The following STX8 variants were observed in gnomAD, a reference collection of about 807,000 sequenced individuals.
STX8 encodes syntaxin 8, also known as syntaxin-8.
Under a neutral mutation model 37.5 loss-of-function variants are expected in STX8, and 23 were observed. The observed-to-expected ratio is 0.61, with a 90% confidence interval of 0.44 to 0.87. The LOEUF (loss-of-function observed/expected upper bound fraction) is 0.87, where lower values mean the gene tolerates loss of function less well. Ranked by LOEUF, STX8 falls within the 40% of genes least tolerant of loss-of-function variation. The pLI is 0.00. For synonymous variants in STX8, 115 were observed against 99.1 expected, an observed-to-expected ratio of 1.16 and a Z score of -0.95; for missense variants, 313 against 284.7, an observed-to-expected ratio of 1.10 and a Z score of -0.71.
At chr17:9,391,323 A>G (rs1362712866) in intron 6 of STX8, among the ~76,000 whole-genome samples, 1 of 151,906 alleles carries the variant, frequency 6.6e-6, no homozygotes, top group Non-Finnish European at 1.5e-5. Context: ...ATGGTGGTGC[A>G]TGCCTGTAGT....
chr17:9,263,189 A>G (rs1172264007), intron 7 of STX8, among the ~76,000 whole-genome samples: 1 of 151,948 alleles, frequency 6.6e-6, no homozygotes, highest in Non-Finnish European at 1.5e-5. Flanking sequence ...ATAAGCAAAA[A>G]GGGACGGGTG....
intron 7 of STX8, among the ~76,000 whole-genome samples, chr17:9,299,420 G>A (rs1433721447): frequency 3.3e-5 from 5 of 149,966 alleles, no homozygotes; most frequent in East Asian, 3.9e-4. Context: ...GATTGCCTGC[G>A]TCCGTCTTCA....
chr17:9,257,468 G>A (rs1021915720), intron 7 of STX8, among the ~76,000 whole-genome samples: 3 of 152,182 alleles, frequency 2.0e-5, no homozygotes, highest in African/African-American at 7.2e-5. Context: ...TGGAGGAGGA[G>A]GGGAAGGAGG....
intron 6 of STX8, among the ~76,000 whole-genome samples, chr17:9,477,028 T>C (rs888386874): frequency 2.6e-5 from 4 of 152,024 alleles, no homozygotes; most frequent in South Asian, 4.1e-4. Context: ...TTATTATTAT[T>C]ATTATTTCTT....
At chr17:9,410,205 T>A (rs1162643687) in intron 6 of STX8, among the ~76,000 whole-genome samples, 1 of 152,206 alleles carries the variant, frequency 6.6e-6, no homozygotes, top group Non-Finnish European at 1.5e-5. Context: ...CTAATGATGG[T>A]CATAACATCA....
chr17:9,250,765 G>C (rs1368078782), intron 7 of STX8, 120 bp from the exon 8 acceptor site: 2 of 1,034,258 alleles, frequency 1.9e-6, no homozygotes, highest in Non-Finnish European at 2.9e-6. Context: ...CAGTTTGTAC[G>C]AAGTGGAGAG....
intron 6 of STX8, among the ~76,000 whole-genome samples, chr17:9,462,419 T>C (rs543305876): frequency 6.6e-6 from 1 of 152,260 alleles, no homozygotes; most frequent in Non-Finnish European, 1.5e-5. Context: ...TTCTTTTCTC[T>C]TTCAAAAATT....
At chr17:9,341,925 T>C (rs1910373782) in intron 7 of STX8, among the ~76,000 whole-genome samples, 1 of 152,070 alleles carries the variant, frequency 6.6e-6, no homozygotes, top group Non-Finnish European at 1.5e-5. Flanking sequence ...CGAGACCATG[T>C]AGAGAGACCG....
chr17:9,531,209 G>C lies in STX8; in HGVS notation c.323+13963C>G, dbSNP rs143934750. Among the ~76,000 whole-genome samples the C allele has an allele frequency of 4.2e-3, 639 of 152,290 alleles. 8 individuals carry two copies. Among genetic ancestry groups the C allele is most frequent in the African/African-American group, 0.014 (601 of 41,564 alleles). On this transcript the variant is annotated intron_variant, in intron 4 of 7. Transcript: ENST00000306357. ...TGAGTCTGGATAACTGGTCATGTGA[G>C]TCCTCTGGCCTTTTTGTTCTTAAAA...
chr17:9,423,256 C>G (rs940797129), intron 6 of STX8, among the ~76,000 whole-genome samples: 4 of 152,180 alleles, frequency 2.6e-5, no homozygotes, highest in African/African-American at 9.6e-5. Context: ...AAACTATGGT[C>G]TGTTTTCTTC....
chr17:9,266,847 C>G (rs1435553354), intron 7 of STX8, among the ~76,000 whole-genome samples: 1 of 152,166 alleles, frequency 6.6e-6, no homozygotes, highest in Admixed American at 6.5e-5. Context: ...AGACGTGGGC[C>G]TTTTGCTTTC....
intron 6 of STX8, among the ~76,000 whole-genome samples, chr17:9,424,513 G>C (rs144517614): frequency 6.6e-6 from 1 of 152,068 alleles, no homozygotes; most frequent in East Asian, 1.9e-4. Flanking sequence ...AAAGTGCAGC[G>C]CCTGGCCTTC....
At chr17:9,544,040 G>A (rs1187628064) in intron 4 of STX8, among the ~76,000 whole-genome samples, 4 of 152,012 alleles carry the variant, frequency 2.6e-5, no homozygotes, top group African/African-American at 4.8e-5. Flanking sequence ...CCCCTCCACC[G>A]CAATCCCACT....
At chr17:9,300,345 A>AAAAG (rs1222131951) in intron 7 of STX8, among the ~76,000 whole-genome samples, 2 of 142,276 alleles carry the variant, frequency 1.4e-5, no homozygotes, top group African/African-American at 2.6e-5. Context: ...AAAAAAAAAA[A>AAAAG]AAAGAAAGAA....
Position 9,326,090 on chromosome 17 carries a change from C to T in STX8, c.643+52462G>A, listed in dbSNP as rs942274338. ...ACTAGATGGGTCTGTGATGAGGTTGCAGTCTTGGTTTTAGCCACCTTTGGT... is the reference window on the plus strand; with the variant it reads ...ACTAGATGGGTCTGTGATGAGGTTGTAGTCTTGGTTTTAGCCACCTTTGGT... On this transcript the variant is annotated intron_variant, in intron 7 of 7. Transcript: ENST00000306357. Among the ~76,000 whole-genome samples, 6 of 151,370 alleles carry T rather than the reference C, an allele frequency of 4.0e-5. No homozygotes were observed. The East Asian group carries it at 9.7e-4, about 24-fold the overall frequency.
At chr17:9,573,080 A>ACCCCCCCCCC (rs71135994) in intron 1 of STX8, among the ~76,000 whole-genome samples, 61 of 101,638 alleles carry the variant, frequency 6.0e-4, no homozygotes, top group South Asian at 7.7e-4. Flanking sequence ...CACCCCCAAC[A>ACCCCCCCCCC]CCCCCCCCCA....
intron 7 of STX8, among the ~76,000 whole-genome samples, chr17:9,295,804 G>A (rs539636181): frequency 1.5e-4 from 18 of 123,290 alleles, no homozygotes; most frequent in African/African-American, 4.7e-4. Flanking sequence ...CAGCACTTTG[G>A]GAGGCCAAGA....
chr17:9,363,091 G>T (rs188497665), intron 7 of STX8, among the ~76,000 whole-genome samples: 1 of 152,102 alleles, frequency 6.6e-6, no homozygotes, highest in Non-Finnish European at 1.5e-5. Context: ...TGTATACAGT[G>T]TGGTGGTTAA....
chr17:9,477,840 G>C (rs953575711), intron 6 of STX8, among the ~76,000 whole-genome samples: 1 of 152,202 alleles, frequency 6.6e-6, no homozygotes, highest in Non-Finnish European at 1.5e-5. Flanking sequence ...TGGGTGGCCT[G>C]AGTATCCCAT....
Sources: allele counts gnomAD v4.1 joint callset (sites outside exome capture counted in the v4.1 genomes callset), GRCh38; gene constraint gnomAD v4.1.1; transcripts MANE v1.5; gene names NCBI Gene and HGNC (gene_info 2026-07-23, HGNC 2026-07-21).